CD163: variants seen among roughly 807,000 people sequenced by gnomAD.
CD163 encodes scavenger receptor cysteine-rich type 1 protein M130.
In CD163, 64 loss-of-function variants were observed where a neutral mutation model predicts 129.2. That is an observed-to-expected ratio of 0.50 (90% CI 0.41 to 0.61). The LOEUF (loss-of-function observed/expected upper bound fraction) is 0.61, where lower values mean the gene tolerates loss of function less well. Among genes scored for constraint, CD163 ranks in the 20% least tolerant of loss-of-function variants. The probability of loss-of-function intolerance (pLI) is 0.00; values close to 1 mark genes in which losing one functional copy is unlikely to be tolerated. For missense variants in CD163, 1,061 were observed against 1,377.9 expected (o/e 0.77, Z 3.64); for synonymous variants, 446 against 478.5 (o/e 0.93, Z 0.89).
At position 7,479,921 on chromosome 12, in the gene CD163, A is replaced by G. The variant is rs144162700; in HGVS notation, c.3344-8T>C. On this transcript the variant is annotated splice_region_variant and splice_polypyrimidine_tract_variant and intron_variant, in intron 15 of 16. Coordinates refer to ENST00000432237, the MANE Select transcript of CD163 (RefSeq NM_203416.4). ...GTGGCTCAGAATGGCCTCCTTTTCC[A>G]TTCCAGAAATAGGAAGAAATTTAGA... 41 of 1,612,962 alleles carry G rather than the reference A, an allele frequency of 2.5e-5. No individual in the cohort carries two copies. In the African/African-American group the frequency reaches 4.9e-4, roughly 19 times the overall value.
chr12:7,503,582 G>A, intron 1 of CD163, 63 bp downstream of exon 1: 2 of 1,081,332 alleles, frequency 1.8e-6, no homozygotes, highest in East Asian at 4.8e-5. Flanking sequence ...CACATCCATT[G>A]ACTGTCATAA....
intron 16 of CD163, among the ~76,000 whole-genome samples, chr12:7,478,177 A>C (rs1949114224): frequency 6.6e-6 from 1 of 152,130 alleles, no homozygotes; most frequent in African/African-American, 2.4e-5. Context: ...GTCATTACAT[A>C]CTAGTGACTT....
At chr12:7,497,719 T>G (rs1179573475) in intron 4 of CD163, among the ~76,000 whole-genome samples, 2 of 152,212 alleles carry the variant, frequency 1.3e-5, no homozygotes, top group African/African-American at 4.8e-5. Context: ...TTAAACTGGT[T>G]GTTTCCTCTG....
Position 7,502,559 on chromosome 12 carries a change from T to G in CD163, c.52A>C (p.Arg18=). 1 of 1,536,792 alleles carries G rather than the reference T, an allele frequency of 6.5e-7. No homozygotes were observed. The highest frequency in any genetic ancestry group is 8.9e-7 in the Non-Finnish European group (1 of 1,121,020). Residue 18 remains arginine, a synonymous_variant, in exon 2 of 17, where the codon AGA becomes CGA. Coordinates refer to ENST00000432237, the MANE Select transcript of CD163 (RefSeq NM_203416.4). ...LLEDSGSADF[R]RHFVNLSPFT... is the part of the protein sequence containing the mutation. ...GGACTCAAGTTGACAAAATGTCTTC[T>G]GAAGTCTGTGAAAAAGAAAAGAGGG...
chr12:7,477,311 C>T (rs1949100807), intron 16 of CD163, among the ~76,000 whole-genome samples: 1 of 151,992 alleles, frequency 6.6e-6, no homozygotes, highest in Non-Finnish European at 1.5e-5. Context: ...GCACTATTCA[C>T]AATAGCAAAG....
At chr12:7,497,782 T>A (rs928422441) in intron 4 of CD163, among the ~76,000 whole-genome samples, 1 of 152,188 alleles carries the variant, frequency 6.6e-6, no homozygotes, top group Non-Finnish European at 1.5e-5. Context: ...TTGTGATTCG[T>A]CAGCATGTGC....
chr12:7,488,664 T>C (rs1949289387), intron 6 of CD163, among the ~76,000 whole-genome samples: 1 of 152,226 alleles, frequency 6.6e-6, no homozygotes, highest in Admixed American at 6.5e-5. Context: ...CAAAGTTCTG[T>C]CCGTAACCTT....
chr12:7,502,247 T>A (rs1949500959), intron 2 of CD163, among the ~76,000 whole-genome samples: 1 of 152,256 alleles, frequency 6.6e-6, no homozygotes, highest in East Asian at 1.9e-4. Context: ...ATTTCTAATC[T>A]TTAAGTAAAA....
intron 16 of CD163, 61 bp downstream of exon 16, chr12:7,479,799 C>T (rs191084457): frequency 5.2e-6 from 8 of 1,553,226 alleles, no homozygotes; most frequent in Non-Finnish European, 7.0e-6. Flanking sequence ...CAGAAGAGCT[C>T]TCAGTCCTCA....
At chr12:7,500,637 G>A (rs1048111631) in intron 3 of CD163, among the ~76,000 whole-genome samples, 2 of 152,076 alleles carry the variant, frequency 1.3e-5, no homozygotes, top group Non-Finnish European at 2.9e-5. Context: ...TTGCACACTG[G>A]TCAAGCAATT....
At position 7,502,006 on chromosome 12, in the gene CD163, C is replaced by A. The variant is rs769009244; in HGVS notation, c.133+472G>T. ...CTGCTATTTTCTACCATAAAATAAA[C>A]CTCTTTGTACTCTCTTCCCATCCCC... On this transcript the variant is annotated intron_variant, in intron 2 of 16. Coordinates refer to ENST00000432237, the MANE Select transcript of CD163 (RefSeq NM_203416.4). 2.6e-5 allele frequency among the ~76,000 whole-genome samples: 4 copies of A among 152,246 alleles called. No homozygotes were observed. In the South Asian group the frequency reaches 6.2e-4, roughly 24 times the overall value.
At chr12:7,475,176 C>A (rs1949069793) in intron 16 of CD163, among the ~76,000 whole-genome samples, 1 of 148,758 alleles carries the variant, frequency 6.7e-6, no homozygotes, top group East Asian at 2.0e-4. Flanking sequence ...AGAGCAAATA[C>A]CATTCCTTCT....
intron 3 of CD163, among the ~76,000 whole-genome samples, chr12:7,500,086 T>C (rs1949458367): frequency 6.6e-6 from 1 of 151,916 alleles, no homozygotes; most frequent in Non-Finnish European, 1.5e-5. Context: ...GTCAGTCCTA[T>C]GGGAGAGAGA....
intron 6 of CD163, among the ~76,000 whole-genome samples, chr12:7,493,860 T>A (rs1049436900): frequency 1.3e-5 from 2 of 152,046 alleles, no homozygotes; most frequent in Admixed American, 1.3e-4. Flanking sequence ...AAAATTTAGG[T>A]AAAAGAATGG....
chr12:7,491,694 AT>A (rs1178556661), intron 6 of CD163, among the ~76,000 whole-genome samples: 1 of 152,106 alleles, frequency 6.6e-6, no homozygotes, highest in Non-Finnish European at 1.5e-5. Flanking sequence ...TATTTTCAAC[AT>A]TTAATGCTTT....
intron 16 of CD163, among the ~76,000 whole-genome samples, chr12:7,475,518 G>A (rs941540251): frequency 2.6e-5 from 4 of 152,032 alleles, no homozygotes; most frequent in East Asian, 1.9e-4. Context: ...TGCAGAAAAC[G>A]CCTTCGATAA....
intron 16 of CD163, among the ~76,000 whole-genome samples, chr12:7,474,097 A>G (rs1251538860): frequency 6.6e-6 from 1 of 152,204 alleles, no homozygotes; most frequent in Non-Finnish European, 1.5e-5. Context: ...TTAGAGACCT[A>G]CAAATAGACT....
chr12:7,500,175 T>A (rs924429091), intron 3 of CD163, among the ~76,000 whole-genome samples: 4 of 150,880 alleles, frequency 2.7e-5, no homozygotes, highest in Non-Finnish European at 5.9e-5. Flanking sequence ...AATCCCAGGA[T>A]TTTGGGAGGC....
Position 7,488,009 on chromosome 12 carries a change from C to A in CD163, c.1499G>T (p.Gly500Val), listed in dbSNP as rs1352875652. The stretch of plus-strand genomic sequence containing the variant: ...AGAGAAGTCCGAATCACAGATGGAG[C>A]CCCACGTGTCACCATGCTTCACTTC... ...RVEVKHGDTW[G>V]SICDSDFSLE... The change falls in exon 7 of 17, where the codon GGC (glycine) becomes GTC (valine). Residue 500 changes from glycine (G) to valine (V), a missense_variant. Gly to Val is a moderately radical substitution (Grantham distance 109). Coordinates refer to ENST00000432237, the MANE Select transcript of CD163 (RefSeq NM_203416.4). 2 of 1,614,092 alleles carry A rather than the reference C, an allele frequency of 1.2e-6. No homozygotes were observed. The highest frequency in any genetic ancestry group is 1.7e-6 in the Non-Finnish European group (2 of 1,179,974).
Sources: allele counts gnomAD v4.1 joint callset (sites outside exome capture counted in the v4.1 genomes callset), GRCh38; gene constraint gnomAD v4.1.1; transcripts MANE v1.5; gene names NCBI Gene and HGNC (gene_info 2026-07-23, HGNC 2026-07-21).